Variants in EYA4 observed in about 807,000 individuals in gnomAD.
EYA4 encodes protein phosphatase EYA4.
In EYA4, 31 loss-of-function variants were observed where a neutral mutation model predicts 87.9. That is an observed-to-expected ratio of 0.35 (90% confidence interval 0.27 to 0.48). The LOEUF (loss-of-function observed/expected upper bound fraction) is 0.48, where lower values mean the gene tolerates loss of function less well. EYA4 is among the 20% of genes least tolerant of loss of function. EYA4 has a pLI of 0.99. For missense variants in EYA4, 678 were observed against 761.4 expected (o/e 0.89, Z 1.29); for synonymous variants, 263 against 270.6 (o/e 0.97, Z 0.28).
chr6:133,281,439 G>A (rs371781761), intron 2 of EYA4, among the ~76,000 whole-genome samples: 5 of 152,218 alleles, frequency 3.3e-5, no homozygotes, highest in South Asian at 2.1e-4. Flanking sequence ...ATATGTAAGC[G>A]AGAACATGTG....
chr6:133,446,265 A>T (rs2128621877), intron 3 of EYA4, among the ~76,000 whole-genome samples: 1 of 152,172 alleles, frequency 6.6e-6, no homozygotes, highest in East Asian at 1.9e-4. Context: ...TTTTTCTTAC[A>T]GTATTATATG....
chr6:133,330,053 A>G (rs1781802953), intron 2 of EYA4, among the ~76,000 whole-genome samples: 1 of 152,088 alleles, frequency 6.6e-6, no homozygotes, highest in Non-Finnish European at 1.5e-5. Flanking sequence ...AGCAGGAGAG[A>G]AAAAAGAAAA....
At position 133,528,831 on chromosome 6, in the gene EYA4, T is replaced by A; in HGVS notation, c.*26T>A. The A allele has an allele frequency of 6.2e-7, 1 of 1,612,698 alleles. No individual in the cohort carries two copies. The highest frequency in any genetic ancestry group is 1.3e-5 in the African/African-American group (1 of 74,972). ...CTGTGTTCTTTAGCCGGAGATCCAT[T>A]TTTTATATTTCAAGTACACTGAATT... On this transcript the variant is annotated 3_prime_UTR_variant, in exon 20 of 20. Coordinates refer to ENST00000355286, the MANE Select transcript of EYA4 (RefSeq NM_004100.5).
At position 133,426,043 on chromosome 6, in the gene EYA4, T is replaced by C. The variant is rs904910054; in HGVS notation, c.84-20587T>C. On this transcript the variant is annotated intron_variant, in intron 3 of 19. Transcript: ENST00000355286. ...CTGTCCATCCATCTTCTGGAATGTT[T>C]CGCCAACTTTGACCAGGAGAAAACT... Among the ~76,000 whole-genome samples, 9 of 151,036 alleles carry C rather than the reference T, an allele frequency of 6.0e-5. 2 individuals are homozygous for C. The highest frequency in any genetic ancestry group is 2.2e-4 in the African/African-American group (9 of 40,452).
At chr6:133,512,517 T>G (rs1799242752) in intron 14 of EYA4, among the ~76,000 whole-genome samples, 1 of 152,188 alleles carries the variant, frequency 6.6e-6, no homozygotes, top group Non-Finnish European at 1.5e-5. Flanking sequence ...CTCCTTTCTA[T>G]GGAACTCTTC....
chr6:133,442,345 G>C (rs1306319265), intron 3 of EYA4, among the ~76,000 whole-genome samples: 1 of 152,146 alleles, frequency 6.6e-6, no homozygotes, highest in African/African-American at 2.4e-5. Flanking sequence ...TGTTCACTGA[G>C]ACCCTTCCTA....
At chr6:133,448,016 C>A (rs1793026610) in intron 4 of EYA4, 95 bp from the exon 5 acceptor site, 5 of 955,604 alleles carry the variant, frequency 5.2e-6, no homozygotes, top group Non-Finnish European at 6.7e-6. Flanking sequence ...ATAATTTTGG[C>A]TAAAAGGTCA....
chr6:133,329,398 C>T (rs987172479), intron 2 of EYA4, among the ~76,000 whole-genome samples: 10 of 152,064 alleles, frequency 6.6e-5, no homozygotes, highest in Admixed American at 6.5e-4. Flanking sequence ...TGTAACCTCT[C>T]ATGAAAGAGA....
intron 2 of EYA4, among the ~76,000 whole-genome samples, chr6:133,329,954 T>G (rs1781795288): frequency 6.6e-6 from 1 of 152,056 alleles, no homozygotes; most frequent in South Asian, 2.1e-4. Context: ...TGCATAGGAA[T>G]GAACAAGAGT....
At chr6:133,370,651 A>G (rs1180486989) in intron 2 of EYA4, among the ~76,000 whole-genome samples, 3 of 152,240 alleles carry the variant, frequency 2.0e-5, no homozygotes, top group Admixed American at 6.5e-5. Flanking sequence ...TTAACAGTCA[A>G]CTTTGTTTTC....
intron 3 of EYA4, among the ~76,000 whole-genome samples, chr6:133,443,772 G>A (rs1350444568): frequency 6.6e-6 from 1 of 150,830 alleles, no homozygotes; most frequent in South Asian, 2.1e-4. Flanking sequence ...TTTTTCCTTT[G>A]GTTCACAAAT....
intron 12 of EYA4, 63 bp downstream of exon 12, chr6:133,481,662 C>G: frequency 6.5e-7 from 1 of 1,541,504 alleles, no homozygotes. Context: ...GATACATTCT[C>G]TATCTTACAG....
At chr6:133,244,644 AAAC>A (rs1332729203) in intron 1 of EYA4, among the ~76,000 whole-genome samples, 1 of 151,068 alleles carries the variant, frequency 6.6e-6, no homozygotes, top group Non-Finnish European at 1.5e-5. Flanking sequence ...AAAAAAGGAA[AAAC>A]AAGTACTCCA....
intron 2 of EYA4, among the ~76,000 whole-genome samples, chr6:133,289,072 A>G (rs539918949): frequency 5.9e-5 from 9 of 152,322 alleles, no homozygotes; most frequent in Non-Finnish European, 1.2e-4. Flanking sequence ...ACCTTCTTCC[A>G]AGAGGAGGCT....
intron 2 of EYA4, among the ~76,000 whole-genome samples, chr6:133,376,599 A>C (rs1785704905): frequency 1.3e-5 from 2 of 151,954 alleles, no homozygotes; most frequent in Admixed American, 6.6e-5. Context: ...GATATAATAA[A>C]AGAACCTTGC....
At chr6:133,451,482 A>G (rs1162850108) in intron 5 of EYA4, among the ~76,000 whole-genome samples, 4 of 152,212 alleles carry the variant, frequency 2.6e-5, no homozygotes, top group African/African-American at 9.6e-5. Context: ...ACTACACTTC[A>G]TATACAAAAA....
At chr6:133,360,418 G>T (rs1259072120) in intron 2 of EYA4, 2 of 152,206 alleles carry the variant, frequency 1.3e-5, no homozygotes, top group Non-Finnish European at 2.9e-5. Context: ...AGAAACAGAT[G>T]CTACTGTGAC....
At chr6:133,384,914 A>G (rs1430193726) in intron 3 of EYA4, among the ~76,000 whole-genome samples, 1 of 152,232 alleles carries the variant, frequency 6.6e-6, no homozygotes, top group Non-Finnish European at 1.5e-5. Context: ...AACAAAAAAA[A>G]TGACAACCAA....
chr6:133,302,622 A>G (rs1387644253), intron 2 of EYA4, among the ~76,000 whole-genome samples: 1 of 152,250 alleles, frequency 6.6e-6, no homozygotes, highest in Non-Finnish European at 1.5e-5. Flanking sequence ...TACACAGTAC[A>G]CACAAACACA....
Sources: allele counts gnomAD v4.1 joint callset (sites outside exome capture counted in the v4.1 genomes callset), GRCh38; gene constraint gnomAD v4.1.1; transcripts MANE v1.5; gene names NCBI Gene and HGNC (gene_info 2026-07-23, HGNC 2026-07-21).